Variants in PDE11A observed in about 807,000 individuals in gnomAD.
PDE11A encodes the protein dual 3',5'-cyclic-AMP and -GMP phosphodiesterase 11A.
In PDE11A, 100 loss-of-function variants were observed where a neutral mutation model predicts 100.5. The observed-to-expected ratio is 1.00, with a 90% CI of 0.85 to 1.18. The LOEUF (loss-of-function observed/expected upper bound fraction) is 1.18. Among genes scored for constraint, PDE11A ranks in the 50% most tolerant of loss-of-function variants. The pLI, the probability that PDE11A is intolerant of heterozygous loss-of-function variation, is 0.00. For synonymous variants in PDE11A, 381 were observed against 420.8 expected (o/e 0.91, Z 1.16); for missense variants, 1,141 against 1,152.6 (o/e 0.99, Z 0.15).
At chr2:177,825,616 A>T (rs2083216223) in intron 6 of PDE11A, among the ~76,000 whole-genome samples, 1 of 152,190 alleles carries the variant, frequency 6.6e-6, no homozygotes, top group African/African-American at 2.4e-5. Context: ...GAGATGAAAG[A>T]AGCACAGGAT....
upstream of PDE11A, among the ~76,000 whole-genome samples, chr2:178,076,498 T>C (rs1368797119): frequency 6.6e-6 from 1 of 152,188 alleles, no homozygotes; most frequent in African/African-American, 2.4e-5. Flanking sequence ...AGTGGACACA[T>C]AACTCCTCCA....
In PDE11A at chr2:178,095,611, C is replaced by T. The variant is rs559840001; in HGVS notation, c.162+8691G>A. ...CTCATAGCTCCATTAGGCAATGCCC[C>T]AGTAGGGACTCTGTGATGGGGCTCC... is the stretch of plus-strand genomic sequence containing the variant. On this transcript the variant is annotated intron_variant, in intron 2 of 20. Coordinates refer to the PDE11A transcript ENST00000358450. 4.6e-5 allele frequency among the ~76,000 whole-genome samples: 7 copies of T among 152,342 alleles called. 1 individual carries two copies. The highest frequency in any genetic ancestry group is 2.0e-4 in the Admixed American group (3 of 15,302).
At chr2:178,065,669 A>G (rs1296791311) in intron 1 of PDE11A, among the ~76,000 whole-genome samples, 1 of 152,170 alleles carries the variant, frequency 6.6e-6, no homozygotes, top group Non-Finnish European at 1.5e-5. Flanking sequence ...AACACTGTGC[A>G]AAGCTGGAAT....
chr2:177,875,420 C>T (rs576653982), intron 5 of PDE11A, among the ~76,000 whole-genome samples: 12 of 151,854 alleles, frequency 7.9e-5, no homozygotes, highest in Non-Finnish European at 1.6e-4. Flanking sequence ...CTCTGTCACC[C>T]AGGCTGGAGT....
intron 18 of PDE11A, among the ~76,000 whole-genome samples, chr2:177,665,503 TAAATAAAATA>T (rs34758781): frequency 7.0e-6 from 1 of 143,748 alleles, no homozygotes; most frequent in African/African-American, 2.6e-5. Flanking sequence ...TAATAATAAA[TAAATAAAATA>T]AAATAAAATA....
At chr2:177,915,400 T>C (rs553571969) in intron 2 of PDE11A, among the ~76,000 whole-genome samples, 1 of 152,358 alleles carries the variant, frequency 6.6e-6, no homozygotes, top group Admixed American at 6.5e-5. Flanking sequence ...TTATTGACTC[T>C]GTAGCTTTGC....
Position 177,682,474 on chromosome 2 carries a change from A to G in PDE11A, c.2346-1571T>C, listed in dbSNP as rs114929728. Among the ~76,000 whole-genome samples, 551 of 152,372 alleles carry G rather than the reference A, an allele frequency of 3.6e-3. 2 individuals are homozygous for G. The highest frequency in any genetic ancestry group is 6.4e-3 in the Non-Finnish European group (437 of 68,032). On this transcript the variant is annotated intron_variant, in intron 15 of 19. Coordinates refer to ENST00000286063, the MANE Select transcript of PDE11A (RefSeq NM_016953.4). ...ACACTTTTTGGTTTACAACTCACACATACACCCATGGAAATCCATTTGGAG... is the reference window on the plus strand; with the variant it reads ...ACACTTTTTGGTTTACAACTCACACGTACACCCATGGAAATCCATTTGGAG...
intron 2 of PDE11A, among the ~76,000 whole-genome samples, chr2:178,079,792 C>T (rs904607432): frequency 2.6e-5 from 4 of 152,166 alleles, no homozygotes; most frequent in African/African-American, 9.7e-5. Context: ...CACAAACTCG[C>T]TAGCATATGT....
chr2:177,922,743 G>C (rs1391112573), intron 2 of PDE11A: 5 of 985,276 alleles, frequency 5.1e-6, no homozygotes, highest in Non-Finnish European at 6.0e-6. Context: ...ATTGCTTACA[G>C]GGCCTACACT....
chr2:178,097,807 C>T (rs2087514163), intron 2 of PDE11A, among the ~76,000 whole-genome samples: 1 of 152,124 alleles, frequency 6.6e-6, no homozygotes. Flanking sequence ...ACAGAAGATA[C>T]TCAGACAAAG....
chr2:177,980,655 T>C (rs2085869642), intron 2 of PDE11A, among the ~76,000 whole-genome samples: 1 of 150,662 alleles, frequency 6.6e-6, no homozygotes, highest in South Asian at 2.1e-4. Flanking sequence ...AAGCAGAAAA[T>C]TGACTCCATG....
chr2:178,004,262 A>C (rs1164515343), intron 2 of PDE11A, among the ~76,000 whole-genome samples: 2 of 151,890 alleles, frequency 1.3e-5, no homozygotes, highest in Non-Finnish European at 2.9e-5. Context: ...TTAGGAAATA[A>C]TCTTATCACC....
chr2:177,846,608 T>C (rs1157086493), intron 5 of PDE11A, among the ~76,000 whole-genome samples: 5 of 152,192 alleles, frequency 3.3e-5, no homozygotes, highest in Non-Finnish European at 7.3e-5. Flanking sequence ...GGACAGAACA[T>C]GGTAAGATCA....
At chr2:177,973,415 A>G (rs2085799728) in intron 2 of PDE11A, among the ~76,000 whole-genome samples, 1 of 20,896 alleles carries the variant, frequency 4.8e-5, no homozygotes, top group Non-Finnish European at 1.0e-4. Flanking sequence ...ACTATATCCC[A>G]CACCTGGCTC....
At chr2:177,769,221 C>T (rs2082277691) in intron 10 of PDE11A, 102 bp downstream of exon 10, 1 of 789,518 alleles carries the variant, frequency 1.3e-6, no homozygotes, top group African/African-American at 1.7e-5. Context: ...TCCTCCAGCT[C>T]CCAATGGGCA....
At chr2:177,815,338 T>C (rs2083019127) in intron 9 of PDE11A, among the ~76,000 whole-genome samples, 1 of 152,214 alleles carries the variant, frequency 6.6e-6, no homozygotes, top group African/African-American at 2.4e-5. Flanking sequence ...TTGAGGTAAG[T>C]GACAGATCCA....
intron 1 of PDE11A, among the ~76,000 whole-genome samples, chr2:178,067,712 G>T (rs575850715): frequency 6.6e-6 from 1 of 152,204 alleles, no homozygotes; most frequent in African/African-American, 2.4e-5. Flanking sequence ...GTTTTTTGTG[G>T]ACAGTACATG....
chr2:178,037,443 C>T (rs1432497481), intron 1 of PDE11A, among the ~76,000 whole-genome samples: 1 of 152,124 alleles, frequency 6.6e-6, no homozygotes, highest in Admixed American at 6.5e-5. Flanking sequence ...TTAGTTCAAC[C>T]ATTGTGGAAG....
chr2:177,835,808 A>G (rs1168085993), intron 6 of PDE11A, among the ~76,000 whole-genome samples: 5 of 152,164 alleles, frequency 3.3e-5, no homozygotes, highest in African/African-American at 1.2e-4. Context: ...TGAGGGACTT[A>G]GCACCCGGGC....
Sources: allele counts gnomAD v4.1 joint callset (sites outside exome capture counted in the v4.1 genomes callset), GRCh38; gene constraint gnomAD v4.1.1; transcripts MANE v1.5; gene names NCBI Gene and HGNC (gene_info 2026-07-23, HGNC 2026-07-21).